Variants in ELK3 observed in about 807,000 individuals in gnomAD.
ELK3 encodes the protein ETS domain-containing protein Elk-3.
A neutral mutation model predicts 28.9 loss-of-function variants in ELK3; 10 were observed. The observed-to-expected ratio is 0.35, with a 90% CI of 0.21 to 0.59. The LOEUF (loss-of-function observed/expected upper bound fraction) is 0.59, where lower values mean the gene tolerates loss of function less well. Ranked by LOEUF, ELK3 falls within the 20% of genes least tolerant of loss-of-function variation. ELK3 has a pLI of 0.82. For synonymous variants in ELK3, 272 were observed against 243.5 expected, an observed-to-expected ratio of 1.12 and a Z score of -1.09; for missense variants, 463 against 517.3, an observed-to-expected ratio of 0.90 and a Z score of 1.02.
At chr12:96,236,607 C>T (rs981965517) in intron 2 of ELK3, among the ~76,000 whole-genome samples, 2 of 152,174 alleles carry the variant, frequency 1.3e-5, no homozygotes, top group African/African-American at 4.8e-5. Flanking sequence ...TGTGTGCACA[C>T]TCCAAAGTTC....
At chr12:96,235,255 T>C (rs7957046) in intron 2 of ELK3, among the ~76,000 whole-genome samples, 135,614 of 145,316 alleles carry the variant, frequency 0.93, 63,304 homozygotes, top group East Asian at 1. Context: ...CCTGCCCTTC[T>C]TGCCTGGCTC....
intron 3 of ELK3, among the ~76,000 whole-genome samples, chr12:96,257,873 T>TCTTCTTC (rs1301108829): frequency 2.6e-5 from 4 of 152,254 alleles, no homozygotes; most frequent in African/African-American, 9.6e-5. Flanking sequence ...TGAAGTACGT[T>TCTTCTTC]TAGTAAGTAT....
intron 2 of ELK3, among the ~76,000 whole-genome samples, chr12:96,226,276 C>A (rs553552571): frequency 6.2e-4 from 94 of 152,310 alleles, no homozygotes; most frequent in African/African-American, 2.2e-3. Flanking sequence ...TCTTGCCAGG[C>A]AGAGCATGGG....
At chr12:96,196,751 T>G (rs1258829276) in intron 1 of ELK3, among the ~76,000 whole-genome samples, 2 of 26,300 alleles carry the variant, frequency 7.6e-5, no homozygotes, top group Non-Finnish European at 1.9e-4. Context: ...AAAAGTGTTT[T>G]TTTTTTTTTT....
intron 2 of ELK3, among the ~76,000 whole-genome samples, chr12:96,231,040 C>T (rs1951737955): frequency 6.6e-6 from 1 of 152,196 alleles, no homozygotes; most frequent in Non-Finnish European, 1.5e-5. Context: ...GTGCCTGTGG[C>T]TGAGCCCGTG....
intron 1 of ELK3, among the ~76,000 whole-genome samples, chr12:96,201,861 C>T (rs149324105): frequency 1.3e-5 from 2 of 152,296 alleles, no homozygotes; most frequent in South Asian, 2.1e-4. Flanking sequence ...AAGGAACACT[C>T]CAGTGGAAGG....
chr12:96,239,290 A>G (rs1019585777), intron 2 of ELK3, among the ~76,000 whole-genome samples: 5 of 152,222 alleles, frequency 3.3e-5, no homozygotes, highest in Non-Finnish European at 7.3e-5. Flanking sequence ...GAACATTTTT[A>G]AAATAATGGA....
intron 4 of ELK3, among the ~76,000 whole-genome samples, chr12:96,265,517 A>G (rs1022826359): frequency 2.0e-5 from 3 of 151,976 alleles, no homozygotes; most frequent in African/African-American, 7.3e-5. Context: ...GAAACCTCGT[A>G]TTTACCAAAC....
chr12:96,249,775 G>A (rs1773383788), intron 3 of ELK3, among the ~76,000 whole-genome samples: 1 of 9,834 alleles, frequency 1.0e-4, no homozygotes, highest in African/African-American at 4.1e-4. Context: ...TGGATGGAGT[G>A]GTGGCTCCCA....
chr12:96,213,740 T>C (rs1951591690), intron 1 of ELK3: 1 of 152,140 alleles, frequency 6.6e-6, no homozygotes, highest in Non-Finnish European at 1.5e-5. Flanking sequence ...TTTGTTTTGT[T>C]TTTGAGACAG....
chr12:96,258,548 G>T (rs571632087), intron 3 of ELK3, among the ~76,000 whole-genome samples: 1 of 152,178 alleles, frequency 6.6e-6, no homozygotes. Context: ...AAAGGCTGGC[G>T]CCTTTGCTGT....
chr12:96,224,009 T>G (rs1373982590), intron 2 of ELK3: 2 of 519,418 alleles, frequency 3.9e-6, no homozygotes, highest in Non-Finnish European at 6.9e-6. Flanking sequence ...CGTCTGAGTT[T>G]GCTGAAGAAC....
chr12:96,258,096 A>T (rs1040638940), intron 3 of ELK3, among the ~76,000 whole-genome samples: 3 of 152,216 alleles, frequency 2.0e-5, no homozygotes, highest in Non-Finnish European at 4.4e-5. Flanking sequence ...AGATGAGGCA[A>T]CTGAGACAGA....
Position 96,267,208 on chromosome 12 carries a change from TTAAC to T in ELK3, c.*30_*33del. The T allele has an allele frequency of 6.3e-7, 1 of 1,593,934 alleles. No homozygotes were observed. The highest frequency in any genetic ancestry group is 2.2e-5 in the East Asian group (1 of 44,628). Reference sequence around the variant, plus strand: ...ACGTCTGGCCACAATTAAGGACTCATTAACTGATGAAACAAATTTGTCCCCACGG... The same window carrying T: ...ACGTCTGGCCACAATTAAGGACTCATTGATGAAACAAATTTGTCCCCACGG... On this transcript the variant is annotated 3_prime_UTR_variant, in exon 5 of 5. Coordinates refer to ENST00000228741, the MANE Select transcript of ELK3 (RefSeq NM_005230.4).
chr12:96,220,417 C>T (rs1055794702), intron 1 of ELK3, among the ~76,000 whole-genome samples: 8 of 106,864 alleles, frequency 7.5e-5, no homozygotes, highest in East Asian at 2.7e-4. Context: ...GATGGAGTTT[C>T]GCTCTTGTTG....
intron 4 of ELK3, among the ~76,000 whole-genome samples, chr12:96,266,214 A>G (rs572360115): frequency 5.3e-5 from 8 of 152,236 alleles, no homozygotes; most frequent in Non-Finnish European, 8.8e-5. Flanking sequence ...TATTTGTTGT[A>G]CTTCTAACAT....
intron 2 of ELK3, among the ~76,000 whole-genome samples, chr12:96,245,575 C>T (rs768745799): frequency 6.6e-6 from 1 of 152,000 alleles, no homozygotes; most frequent in Admixed American, 6.5e-5. Context: ...TTTTTTTAAT[C>T]CTCACTCATA....
chr12:96,237,869 G>A (rs890863077), intron 2 of ELK3, among the ~76,000 whole-genome samples: 2 of 152,226 alleles, frequency 1.3e-5, no homozygotes, highest in African/African-American at 4.8e-5. Context: ...TCTAACTTTG[G>A]AGAAAGGACA....
At chr12:96,198,852 A>G (rs1951489919) in intron 1 of ELK3, among the ~76,000 whole-genome samples, 3 of 152,218 alleles carry the variant, frequency 2.0e-5, no homozygotes, top group African/African-American at 7.2e-5. Flanking sequence ...ACTGTTTTAT[A>G]ACTTTTTTCA....
Sources: gnomAD v4.1 joint callset for allele counts (sites outside exome capture counted in the v4.1 genomes callset) on GRCh38, gnomAD v4.1.1 for gene constraint, MANE v1.5 for transcripts, NCBI Gene and HGNC (gene_info 2026-07-23, HGNC 2026-07-21) for gene names.